BACH2: variants seen among roughly 807,000 people sequenced by gnomAD.
The protein encoded by BACH2 is BACH transcriptional regulator 2, also known as transcription regulator protein BACH2.
Under a neutral mutation model 61.8 loss-of-function variants are expected in BACH2, and 5 were observed. That is an observed-to-expected ratio of 0.08 (90% CI 0.04 to 0.17). The LOEUF (loss-of-function observed/expected upper bound fraction) is 0.17, where lower values mean the gene tolerates loss of function less well. Among genes scored for constraint, BACH2 ranks in the 10% least tolerant of loss-of-function variants. BACH2 has a pLI of 1.00. For missense variants in BACH2, 824 were observed against 1,091.1 expected, an observed-to-expected ratio of 0.76 and a Z score of 3.45; for synonymous variants, 446 against 440.1, an observed-to-expected ratio of 1.01 and a Z score of -0.17.
chr6:90,141,385 T>C (rs1029405461), intron 4 of BACH2, among the ~76,000 whole-genome samples: 10 of 152,058 alleles, frequency 6.6e-5, no homozygotes, highest in African/African-American at 2.4e-4. Flanking sequence ...TTCACCATGT[T>C]GACCGGGCTA....
At chr6:90,216,852 AC>A (rs2127854047) in intron 3 of BACH2, among the ~76,000 whole-genome samples, 1 of 152,192 alleles carries the variant, frequency 6.6e-6, no homozygotes, top group African/African-American at 2.4e-5. Context: ...AGTGGGTGAG[AC>A]CAATGATGCT....
At chr6:89,973,847 T>C (rs973567072) in intron 6 of BACH2, among the ~76,000 whole-genome samples, 2 of 152,110 alleles carry the variant, frequency 1.3e-5, no homozygotes, top group Non-Finnish European at 2.9e-5. Flanking sequence ...CTGACGTAAA[T>C]TGAGGAGAGC....
chr6:89,972,750 G>T (rs1213155943), intron 6 of BACH2, among the ~76,000 whole-genome samples: 2 of 152,022 alleles, frequency 1.3e-5, no homozygotes, highest in Non-Finnish European at 2.9e-5. Context: ...TTCTGATCTG[G>T]CAATGAGAAA....
At chr6:90,125,800 G>T (rs1783825105) in intron 4 of BACH2, among the ~76,000 whole-genome samples, 1 of 152,190 alleles carries the variant, frequency 6.6e-6, no homozygotes, top group South Asian at 2.1e-4. Context: ...TACTGAACAA[G>T]TGGCAGGGGT....
At chr6:90,271,504 A>G (rs976143144) in intron 2 of BACH2, among the ~76,000 whole-genome samples, 3 of 152,096 alleles carry the variant, frequency 2.0e-5, no homozygotes, top group African/African-American at 4.8e-5. Context: ...GAATGCTACA[A>G]TTTATGTGGT....
chr6:90,128,424 T>C (rs763360483), intron 4 of BACH2, among the ~76,000 whole-genome samples: 15 of 152,036 alleles, frequency 9.9e-5, no homozygotes, highest in Non-Finnish European at 2.1e-4. Context: ...CTACTAAAAA[T>C]ATAAAAATTA....
chr6:90,118,767 T>C (rs1258650693), intron 4 of BACH2, among the ~76,000 whole-genome samples: 1 of 152,166 alleles, frequency 6.6e-6, no homozygotes, highest in Non-Finnish European at 1.5e-5. Context: ...GGAACATCTG[T>C]TATTTGCAGT....
chr6:90,207,301 A>G (rs1192028161), intron 3 of BACH2, among the ~76,000 whole-genome samples: 1 of 151,822 alleles, frequency 6.6e-6, no homozygotes, highest in Non-Finnish European at 1.5e-5. Flanking sequence ...GTATTTTTTG[A>G]AGAGATAGGG....
chr6:90,267,112 C>A (rs1199591090), intron 2 of BACH2, among the ~76,000 whole-genome samples: 1 of 151,986 alleles, frequency 6.6e-6, no homozygotes, highest in Non-Finnish European at 1.5e-5. Context: ...GACATCTCCC[C>A]CCCACCAAAA....
chr6:90,242,679 AC>A (rs745948585), intron 3 of BACH2, among the ~76,000 whole-genome samples: 11 of 152,208 alleles, frequency 7.2e-5, no homozygotes, highest in Non-Finnish European at 1.6e-4. Flanking sequence ...AAGCAGTTGT[AC>A]CAATCTATCA....
chr6:90,071,884 T>G (rs1781243900), intron 5 of BACH2, among the ~76,000 whole-genome samples: 1 of 152,144 alleles, frequency 6.6e-6, no homozygotes, highest in African/African-American at 2.4e-5. Context: ...AGAAAATACA[T>G]TTCCTAAGTG....
At chr6:90,063,272 G>T (rs537861840) in intron 5 of BACH2, among the ~76,000 whole-genome samples, 3 of 152,056 alleles carry the variant, frequency 2.0e-5, no homozygotes, top group African/African-American at 7.2e-5. Context: ...CTCCTATGGG[G>T]GTGTGTGTGT....
intron 4 of BACH2, among the ~76,000 whole-genome samples, chr6:90,183,691 C>T (rs1052558061): frequency 1.3e-5 from 2 of 152,226 alleles, no homozygotes; most frequent in Non-Finnish European, 2.9e-5. Flanking sequence ...TTCTACTCTA[C>T]CATTCTTCCT....
rs1242246210 is a variant in BACH2 at position 89,932,257 on chromosome 6, A to G, written c.*151T>C. On this transcript the variant is annotated 3_prime_UTR_variant, in exon 9 of 9. Coordinates refer to ENST00000257749, the MANE Select transcript of BACH2 (RefSeq NM_021813.4). ...CACTCCTGCTCGAGAAGAGGAGAGG[A>G]TACTTCGGAACAGTATTGCTGCTAA... The G allele has an allele frequency of 3.0e-5, 30 of 1,014,956 alleles. No individual in the cohort carries two copies. The East Asian group carries it at 4.8e-4, about 16-fold the overall frequency. 62.9% of individuals were successfully genotyped at this position (1,014,956 alleles called of 1,614,324 possible).
chr6:90,275,992 A>G lies in BACH2; in HGVS notation c.-445-4051T>C, dbSNP rs114004521. Among the ~76,000 whole-genome samples, 1,408 of 152,222 alleles carry G rather than the reference A, an allele frequency of 9.2e-3. 20 individuals carry two copies. The highest frequency in any genetic ancestry group is 0.032 in the African/African-American group (1,314 of 41,534). Reference sequence around the variant, plus strand: ...TTAAAAAAAAAAAAAGAAAGAAATCATCAATGGGCATTAAAGAAAAGTGTA... The same window carrying G: ...TTAAAAAAAAAAAAAGAAAGAAATCGTCAATGGGCATTAAAGAAAAGTGTA... On this transcript the variant is annotated intron_variant, in intron 1 of 8. Transcript: ENST00000257749.
intron 3 of BACH2, among the ~76,000 whole-genome samples, chr6:90,250,395 T>C (rs973568434): frequency 1.3e-5 from 2 of 152,232 alleles, no homozygotes; most frequent in Admixed American, 6.5e-5. Flanking sequence ...AGGAGTCAAC[T>C]TTCCATGTAT....
intron 1 of BACH2, among the ~76,000 whole-genome samples, chr6:90,275,903 A>G (rs1245531704): frequency 6.6e-6 from 1 of 151,752 alleles, no homozygotes; most frequent in Non-Finnish European, 1.5e-5. Flanking sequence ...CAGGAGGCAG[A>G]GGCTGCAGTG....
intron 4 of BACH2, among the ~76,000 whole-genome samples, chr6:90,123,978 G>A (rs1783745630): frequency 6.6e-6 from 1 of 152,118 alleles, no homozygotes; most frequent in African/African-American, 2.4e-5. Flanking sequence ...TGGCTGCATG[G>A]GGCCAGACCT....
intron 6 of BACH2, among the ~76,000 whole-genome samples, chr6:90,000,167 C>A (rs1488986750): frequency 6.6e-6 from 1 of 152,216 alleles, no homozygotes; most frequent in Non-Finnish European, 1.5e-5. Flanking sequence ...AGCACCACAG[C>A]CTCCAGGGCT....
Sources: allele counts gnomAD v4.1 joint callset (sites outside exome capture counted in the v4.1 genomes callset), GRCh38; gene constraint gnomAD v4.1.1; transcripts MANE v1.5; gene names NCBI Gene and HGNC (gene_info 2026-07-23, HGNC 2026-07-21).